SPTAN1: variants seen among roughly 807,000 people sequenced by gnomAD.
The protein encoded by SPTAN1 is spectrin alpha chain, non-erythrocytic 1.
A neutral mutation model predicts 331.3 loss-of-function variants in SPTAN1; 61 were observed. The ratio of observed to expected loss-of-function variants is 0.18; its 90% CI spans 0.15 to 0.23. The LOEUF is 0.23. Among genes scored for constraint, SPTAN1 ranks in the 10% least tolerant of loss-of-function variants. The pLI, the probability that SPTAN1 is intolerant of heterozygous loss-of-function variation, is 1.00. For missense variants in SPTAN1, 2,043 were observed against 3,147.9 expected, an observed-to-expected ratio of 0.65 and a Z score of 8.40; for synonymous variants, 1,153 against 1,173.9, an observed-to-expected ratio of 0.98 and a Z score of 0.36.
chr9:128,594,605 AT>A (rs1853983423), intron 24 of SPTAN1, among the ~76,000 whole-genome samples: 1 of 150,780 alleles, frequency 6.6e-6, no homozygotes. Flanking sequence ...TAATTTTTGT[AT>A]TTTTTGGTAG....
rs77926333 is a variant in SPTAN1 at position 128,617,445 on chromosome 9, A to G, written c.5358-195A>G. Among the ~76,000 whole-genome samples the G allele has an allele frequency of 0.012, 1,779 of 152,236 alleles. 35 individuals are homozygous for G. The highest frequency in any genetic ancestry group is 0.04 in the African/African-American group (1,679 of 41,532). On this transcript the variant is annotated intron_variant, in intron 41 of 56. Coordinates refer to ENST00000372739, the MANE Select transcript of SPTAN1 (RefSeq NM_001130438.3). ...AGAATCCGGACACACAGCAGGGCTC[A>G]TAGATGCATAGATGGACAGAGGTTC...
intron 1 of SPTAN1, among the ~76,000 whole-genome samples, chr9:128,557,872 C>T (rs1204539044): frequency 4.2e-5 from 6 of 141,628 alleles, no homozygotes; most frequent in Admixed American, 7.6e-5. Context: ...GGCGCGATCT[C>T]GGCTCACTGC....
intron 41 of SPTAN1, among the ~76,000 whole-genome samples, 161 bp from the exon 42 acceptor site, chr9:128,617,479 T>C (rs1306516622): frequency 1.3e-5 from 2 of 152,166 alleles, no homozygotes; most frequent in Non-Finnish European, 2.9e-5. Flanking sequence ...TCTTGGTCCC[T>C]ACTCATTTGG....
chr9:128,586,819 T>G (rs1414094963), intron 19 of SPTAN1, among the ~76,000 whole-genome samples: 1 of 24,132 alleles, frequency 4.1e-5, no homozygotes, highest in Non-Finnish European at 8.9e-4. Flanking sequence ...AATTTTTCCT[T>G]TTCTTTTTTT....
Position 128,625,646 on chromosome 9 carries a change from C to A in SPTAN1, c.6070-123C>A. 4.5e-6 allele frequency: 4 copies of A among 888,590 alleles called. No individual in the cohort carries two copies. The South Asian group carries it at 5.3e-5, about 12-fold the overall frequency. 55.0% of individuals were successfully genotyped at this position (888,590 alleles called of 1,614,324 possible). ...GGGGGCATGTGTGACTGAGTCTCAG[C>A]AGTGTCCAGGTGGACAGTTTGGCTT... is the stretch of plus-strand genomic sequence containing the variant. On this transcript the variant is annotated intron_variant, in intron 47 of 56. Coordinates refer to ENST00000372739, the MANE Select transcript of SPTAN1 (RefSeq NM_001130438.3). The surrounding 1 kb of genome is among the most constrained non-coding windows in gnomAD (Gnocchi z 4.1).
intron 1 of SPTAN1, among the ~76,000 whole-genome samples, chr9:128,565,512 C>T (rs1259645876): frequency 1.3e-5 from 2 of 152,218 alleles, no homozygotes; most frequent in Non-Finnish European, 2.9e-5. Flanking sequence ...GAAAGGCAAT[C>T]TTCAGATCTG....
chr9:128,580,846 A>G (rs1851852790), intron 10 of SPTAN1, 76 bp from the exon 11 acceptor site: 4 of 1,601,520 alleles, frequency 2.5e-6, no homozygotes, highest in Non-Finnish European at 3.4e-6. Context: ...TAGGAATTCC[A>G]GGATAGCTGT....
At chr9:128,633,126 C>G in intron 56 of SPTAN1, 83 bp from the exon 57 acceptor site, 7 of 1,605,842 alleles carry the variant, frequency 4.4e-6, no homozygotes, top group Non-Finnish European at 6.0e-6. Flanking sequence ...AGCTCCGAGC[C>G]CCCAGCATCC....
chr9:128,579,296 C>T (rs773628261), intron 9 of SPTAN1, among the ~76,000 whole-genome samples: 1 of 152,104 alleles, frequency 6.6e-6, no homozygotes, highest in Non-Finnish European at 1.5e-5. Context: ...GAGGGACTCG[C>T]CCTACCAGGT....
chr9:128,599,928 C>A (rs539521282), intron 26 of SPTAN1, 152 bp from the exon 27 acceptor site: 1 of 797,328 alleles, frequency 1.3e-6, no homozygotes, highest in African/African-American at 1.7e-5. Context: ...AGTTTGTTAC[C>A]AGCCAAACTA....
At chr9:128,555,359 C>T in intron 1 of SPTAN1, 1 of 1,289,416 alleles carries the variant, frequency 7.8e-7, no homozygotes, top group African/African-American at 1.5e-5. Flanking sequence ...ACTCCACATT[C>T]CTCCATCATG....
At chr9:128,611,894 A>G (rs762105382) in intron 38 of SPTAN1, 49 bp downstream of exon 38, 29 of 1,613,466 alleles carry the variant, frequency 1.8e-5, no homozygotes, top group Admixed American at 1.2e-4. Flanking sequence ...GACCACCGTC[A>G]CTGTCAACCT....
rs1352540009 is a variant in SPTAN1 at position 128,618,004 on chromosome 9, C to G, written c.5496C>G (p.Gly1832=). ...EPAIQGVLDT[G]KKLSDDNTIG... ...CCTGTCAGGGTGTCCTGGACACTGG[C>G]AAGAAGCTGTCCGATGACAACACCA... Residue 1832 remains glycine, a synonymous_variant, in exon 43 of 57, where the codon GGC becomes GGG. Transcript: ENST00000372739. 3.1e-6 allele frequency: 5 copies of G among 1,614,132 alleles called. No individual in the cohort carries two copies. The Admixed American group carries it at 6.7e-5, about 22-fold the overall frequency.
intron 20 of SPTAN1, 140 bp downstream of exon 20, chr9:128,587,838 GATTTATTTATTT>G (rs573630377): frequency 5.8e-6 from 4 of 691,840 alleles, no homozygotes; most frequent in African/African-American, 1.8e-5. Context: ...TTTAAAATAA[GATTTATTTATTT>G]ATTTATTTAT....
chr9:128,594,055 C>A, intron 23 of SPTAN1, 120 bp from the exon 24 acceptor site: 1 of 910,322 alleles, frequency 1.1e-6, no homozygotes, highest in Non-Finnish European at 1.8e-6. Flanking sequence ...AGGGCATCAT[C>A]ATTACAAACT....
At chr9:128,564,513 G>A (rs970143061) in intron 1 of SPTAN1, among the ~76,000 whole-genome samples, 15 of 151,996 alleles carry the variant, frequency 9.9e-5, no homozygotes, top group African/African-American at 3.6e-4. Flanking sequence ...AACCAGGGAG[G>A]TCGAGGTTGC....
chr9:128,594,868 G>T (rs56313017), intron 24 of SPTAN1, among the ~76,000 whole-genome samples: 1 of 117,520 alleles, frequency 8.5e-6, no homozygotes, highest in African/African-American at 3.4e-5. Context: ...CTCTTTTGTC[G>T]CCCAGGCTGG....
At chr9:128,563,438 A>G (rs1199444402) in intron 1 of SPTAN1, among the ~76,000 whole-genome samples, 3 of 152,088 alleles carry the variant, frequency 2.0e-5, no homozygotes, top group African/African-American at 7.2e-5. Context: ...AAAAAACGCC[A>G]CTTTCTCAGA....
intron 1 of SPTAN1, chr9:128,553,202 G>A (rs991285732): frequency 1.4e-4 from 22 of 152,298 alleles, no homozygotes; most frequent in Admixed American, 1.3e-3. Context: ...CGGGGAGCCC[G>A]AGCATAGCGT....
Sources: allele counts gnomAD v4.1 joint callset (sites outside exome capture counted in the v4.1 genomes callset), GRCh38; gene constraint gnomAD v4.1.1; non-coding constraint Gnocchi (gnomAD v3.1); transcripts MANE v1.5; gene names NCBI Gene and HGNC (gene_info 2026-07-23, HGNC 2026-07-21).